Variants in KCNIP4 observed in about 807,000 individuals in gnomAD.
The protein encoded by KCNIP4 is Kv channel-interacting protein 4.
In KCNIP4, 12 loss-of-function variants were observed where a neutral mutation model predicts 34.0. The observed-to-expected ratio is 0.35, with a 90% confidence interval of 0.23 to 0.57. The LOEUF is 0.57. Among genes scored for constraint, KCNIP4 ranks in the 20% least tolerant of loss-of-function variants. The pLI is 0.83. For synonymous variants in KCNIP4, 124 were observed against 102.2 expected (o/e 1.21, Z -1.29); for missense variants, 238 against 311.7 (o/e 0.76, Z 1.78).
At chr4:21,739,050 G>C (rs910559397) in intron 1 of KCNIP4, among the ~76,000 whole-genome samples, 1 of 152,134 alleles carries the variant, frequency 6.6e-6, no homozygotes, top group Admixed American at 6.6e-5. Context: ...AATTATCTTA[G>C]ACAATACAGA....
intron 1 of KCNIP4, among the ~76,000 whole-genome samples, chr4:21,338,326 A>G (rs983133768): frequency 4.0e-5 from 6 of 151,566 alleles, no homozygotes; most frequent in Admixed American, 1.3e-4. Flanking sequence ...CCCACTCAAG[A>G]GACTTACTTA....
intron 1 of KCNIP4, among the ~76,000 whole-genome samples, chr4:21,332,758 T>C (rs1480099403): frequency 6.6e-6 from 1 of 151,994 alleles, no homozygotes; most frequent in African/African-American, 2.4e-5. Context: ...TTCATATCTG[T>C]CCTCCTTGTT....
chr4:20,802,469 T>C (rs1484358566), intron 3 of KCNIP4, among the ~76,000 whole-genome samples: 1 of 151,980 alleles, frequency 6.6e-6, no homozygotes, highest in Admixed American at 6.6e-5. Context: ...TAAATGAGGA[T>C]ATAATGGACT....
At chr4:21,510,436 A>T (rs1253958347) in intron 1 of KCNIP4, among the ~76,000 whole-genome samples, 1 of 152,186 alleles carries the variant, frequency 6.6e-6, no homozygotes, top group Non-Finnish European at 1.5e-5. Context: ...TATTCTACTG[A>T]TACTATTGAC....
intron 1 of KCNIP4, among the ~76,000 whole-genome samples, chr4:21,664,705 G>A (rs1748705985): frequency 6.6e-6 from 1 of 152,082 alleles, no homozygotes; most frequent in African/African-American, 2.4e-5. Context: ...ACACTCGAGA[G>A]TTGAAAAATA....
intron 3 of KCNIP4, among the ~76,000 whole-genome samples, chr4:20,847,630 T>C (rs1330692655): frequency 6.6e-6 from 1 of 152,146 alleles, no homozygotes; most frequent in East Asian, 1.9e-4. Context: ...GAGATATTTC[T>C]CTCACTATCT....
chr4:20,744,468 G>C (rs1182466225), intron 5 of KCNIP4, among the ~76,000 whole-genome samples: 1 of 151,294 alleles, frequency 6.6e-6, no homozygotes, highest in Non-Finnish European at 1.5e-5. Context: ...TCCTTTGTAG[G>C]GACATGGATG....
chr4:21,287,180 C>A (rs1406266032), intron 1 of KCNIP4, among the ~76,000 whole-genome samples: 1 of 152,144 alleles, frequency 6.6e-6, no homozygotes, highest in Non-Finnish European at 1.5e-5. Flanking sequence ...AAGAGAAAGG[C>A]AAGGGCTAGA....
chr4:21,741,254 T>C (rs947938379), intron 1 of KCNIP4, among the ~76,000 whole-genome samples: 1 of 152,172 alleles, frequency 6.6e-6, no homozygotes, highest in African/African-American at 2.4e-5. Context: ...GCAGGTAATA[T>C]TCTAGGTTTC....
intron 1 of KCNIP4, among the ~76,000 whole-genome samples, chr4:20,989,926 C>T (rs1008206974): frequency 2.6e-5 from 4 of 152,182 alleles, no homozygotes; most frequent in African/African-American, 9.7e-5. Context: ...CACTGCACTC[C>T]AGCCTGGGCA....
chr4:21,191,982 TCTCC>T (rs1324896736), intron 1 of KCNIP4, among the ~76,000 whole-genome samples: 1 of 152,216 alleles, frequency 6.6e-6, no homozygotes, highest in Non-Finnish European at 1.5e-5. Flanking sequence ...GATTCATAGC[TCTCC>T]CTAATATTAA....
chr4:21,312,580 G>A (rs1056592319), intron 1 of KCNIP4, among the ~76,000 whole-genome samples: 5 of 152,072 alleles, frequency 3.3e-5, no homozygotes, highest in African/African-American at 4.8e-5. Flanking sequence ...GGGTTCCTTC[G>A]GTTTCTCATA....
At chr4:21,431,582 T>C (rs1262267282) in intron 1 of KCNIP4, among the ~76,000 whole-genome samples, 1 of 152,078 alleles carries the variant, frequency 6.6e-6, no homozygotes, top group Non-Finnish European at 1.5e-5. Context: ...ATAGATTACA[T>C]GCTATGTATC....
At chr4:21,550,798 AACATAT>A (rs1738519565) in intron 1 of KCNIP4, among the ~76,000 whole-genome samples, 1 of 152,148 alleles carries the variant, frequency 6.6e-6, no homozygotes, top group South Asian at 2.1e-4. Flanking sequence ...GTGTGAGCAT[AACATAT>A]ACATAAATTT....
chr4:20,930,838 TAAA>T (rs34828281), intron 1 of KCNIP4, among the ~76,000 whole-genome samples: 1 of 144,260 alleles, frequency 6.9e-6, no homozygotes. Flanking sequence ...ATGGCTATTA[TAAA>T]AAAAAAAAAA....
intron 3 of KCNIP4, among the ~76,000 whole-genome samples, chr4:20,839,203 C>A (rs984425714): frequency 6.6e-6 from 1 of 151,860 alleles, no homozygotes; most frequent in African/African-American, 2.4e-5. Context: ...ATTACCATTG[C>A]GATAAAACTT....
intron 1 of KCNIP4, among the ~76,000 whole-genome samples, chr4:21,072,332 A>G (rs1387142490): frequency 2.0e-5 from 3 of 152,174 alleles, no homozygotes; most frequent in South Asian, 2.1e-4. Context: ...AATGATTGCC[A>G]TTCTAACTGG....
chr4:21,150,628 G>C (rs1294564502), intron 1 of KCNIP4, among the ~76,000 whole-genome samples: 1 of 152,182 alleles, frequency 6.6e-6, no homozygotes. Flanking sequence ...GGCTCAAGTG[G>C]TTATTCCTCT....
At chr4:21,138,895 C>T (rs1751718722) in intron 1 of KCNIP4, among the ~76,000 whole-genome samples, 1 of 152,100 alleles carries the variant, frequency 6.6e-6, no homozygotes, top group Admixed American at 6.5e-5. Flanking sequence ...GGATTCTCCC[C>T]TAGAGTCTCC....
Sources: allele counts gnomAD v4.1 joint callset (sites outside exome capture counted in the v4.1 genomes callset), GRCh38; gene constraint gnomAD v4.1.1; transcripts MANE v1.5; gene names NCBI Gene and HGNC (gene_info 2026-07-23, HGNC 2026-07-21).